KIAA1217: variants seen among roughly 807,000 people sequenced by gnomAD.
The protein encoded by KIAA1217 is sickle tail protein homolog.
Under a neutral mutation model 163.9 loss-of-function variants are expected in KIAA1217, and 88 were observed. The ratio of observed to expected loss-of-function variants is 0.54; its 90% confidence interval spans 0.45 to 0.64. The LOEUF (loss-of-function observed/expected upper bound fraction) is 0.64, where lower values mean the gene tolerates loss of function less well. Among genes scored for constraint, KIAA1217 ranks in the 30% least tolerant of loss-of-function variants. The pLI is 0.00. For missense variants in KIAA1217, 2,372 were observed against 2,475.0 expected, an observed-to-expected ratio of 0.96 and a Z score of 0.88; for synonymous variants, 903 against 923.1, an observed-to-expected ratio of 0.98 and a Z score of 0.39.
intron 2 of KIAA1217, among the ~76,000 whole-genome samples, chr10:24,296,982 T>C (rs2040696985): frequency 6.6e-6 from 1 of 152,220 alleles, no homozygotes; most frequent in South Asian, 2.1e-4. Context: ...CAACTCTCAC[T>C]TACTTGATAC....
At chr10:24,211,556 TATTGTATTGTATTG>T (rs1564836151) in intron 1 of KIAA1217, among the ~76,000 whole-genome samples, 3 of 98,842 alleles carry the variant, frequency 3.0e-5, no homozygotes, top group African/African-American at 1.0e-4. Flanking sequence ...TATTGTATTG[TATTGTATTGTATTG>T]TATTGTATTG....
chr10:23,790,600 TAC>T (rs1220942732), intron 1 of KIAA1217, among the ~76,000 whole-genome samples: 6 of 126,698 alleles, frequency 4.7e-5, no homozygotes, highest in South Asian at 2.3e-4. Flanking sequence ...TATATACATG[TAC>T]ATATATACAT....
intron 2 of KIAA1217, among the ~76,000 whole-genome samples, chr10:24,374,685 A>G (rs1194658704): frequency 6.6e-6 from 1 of 152,208 alleles, no homozygotes; most frequent in East Asian, 1.9e-4. Context: ...GGGAGATATC[A>G]TTCAGATTTT....
At chr10:24,044,249 T>C (rs953432043) in intron 2 of KIAA1217, among the ~76,000 whole-genome samples, 2 of 152,186 alleles carry the variant, frequency 1.3e-5, no homozygotes, top group Non-Finnish European at 2.9e-5. Context: ...CTAAGATAGC[T>C]CTGTTGCATT....
chr10:23,963,471 T>A (rs1179240009), intron 1 of KIAA1217, among the ~76,000 whole-genome samples: 1 of 152,232 alleles, frequency 6.6e-6, no homozygotes, highest in Non-Finnish European at 1.5e-5. Context: ...CTGTAGAGTA[T>A]TCCATGGTGT....
At chr10:23,758,144 G>T (rs1372805491) in intron 1 of KIAA1217, among the ~76,000 whole-genome samples, 14 of 152,100 alleles carry the variant, frequency 9.2e-5, no homozygotes, top group Non-Finnish European at 1.5e-5. Flanking sequence ...TAAATATTGG[G>T]AAGCTTTTGC....
chr10:23,825,511 A>G (rs1355668774), intron 1 of KIAA1217, among the ~76,000 whole-genome samples: 1 of 152,210 alleles, frequency 6.6e-6, no homozygotes, highest in Non-Finnish European at 1.5e-5. Flanking sequence ...AACTGGCTTT[A>G]ATGAGACTGT....
At chr10:23,873,271 A>G (rs1564495996) in intron 1 of KIAA1217, among the ~76,000 whole-genome samples, 1 of 152,116 alleles carries the variant, frequency 6.6e-6, no homozygotes, top group South Asian at 2.1e-4. Flanking sequence ...TCTCAAGAAC[A>G]AAATCAAATT....
At chr10:24,188,849 T>C (rs571817736) in intron 2 of KIAA1217, among the ~76,000 whole-genome samples, 29 of 152,236 alleles carry the variant, frequency 1.9e-4, no homozygotes, top group African/African-American at 2.6e-4. Context: ...CTCACGCCTG[T>C]AATCCCAGCA....
chr10:23,967,952 T>C (rs900366107), intron 1 of KIAA1217, among the ~76,000 whole-genome samples: 5 of 149,470 alleles, frequency 3.3e-5, no homozygotes, highest in Non-Finnish European at 7.4e-5. Flanking sequence ...GGACATGCCT[T>C]TTTTAAAATT....
chr10:24,182,438 TCACACA>T (rs3222547), intron 2 of KIAA1217, among the ~76,000 whole-genome samples: 16 of 144,868 alleles, frequency 1.1e-4, no homozygotes, highest in Admixed American at 2.8e-4. Flanking sequence ...CAAGACTCCA[TCACACA>T]CACACACACA....
chr10:23,800,678 G>A (rs1028018041), intron 1 of KIAA1217, among the ~76,000 whole-genome samples: 1 of 152,112 alleles, frequency 6.6e-6, no homozygotes, highest in African/African-American at 2.4e-5. Flanking sequence ...ATGAAGGTCA[G>A]TGGCATAATA....
intron 1 of KIAA1217, among the ~76,000 whole-genome samples, chr10:23,922,046 C>T (rs1341596363): frequency 6.6e-6 from 1 of 152,012 alleles, no homozygotes; most frequent in Non-Finnish European, 1.5e-5. Context: ...TTTCACCCCC[C>T]ACCCCCCACC....
chr10:23,735,868 C>T (rs1838768194), intron 1 of KIAA1217, among the ~76,000 whole-genome samples: 1 of 152,024 alleles, frequency 6.6e-6, no homozygotes, highest in Non-Finnish European at 1.5e-5. Flanking sequence ...AACAATCAAC[C>T]ATCAACATAA....
intron 1 of KIAA1217, among the ~76,000 whole-genome samples, chr10:23,730,217 T>C (rs1473592762): frequency 6.6e-6 from 1 of 152,192 alleles, no homozygotes; most frequent in African/African-American, 2.4e-5. Context: ...AATTTTAAAG[T>C]TCTGCTTTTT....
chr10:24,364,122 G>T (rs1564543141), intron 2 of KIAA1217, among the ~76,000 whole-genome samples: 2 of 151,964 alleles, frequency 1.3e-5, no homozygotes, highest in African/African-American at 2.4e-5. Context: ...GAGATTACAG[G>T]CGCCCACCAC....
At chr10:24,487,085 T>C (rs1345846945) in intron 6 of KIAA1217, among the ~76,000 whole-genome samples, 1 of 152,268 alleles carries the variant, frequency 6.6e-6, no homozygotes, top group Non-Finnish European at 1.5e-5. Flanking sequence ...GCTTCTCCGC[T>C]TGCCCTGGAA....
intron 1 of KIAA1217, among the ~76,000 whole-genome samples, chr10:23,911,766 G>A (rs149994023): frequency 1.3e-5 from 2 of 152,088 alleles, no homozygotes; most frequent in African/African-American, 2.4e-5. Context: ...TAAGATGGCC[G>A]AGGACATGTG....
At chr10:24,039,511 C>A (rs981098500) in intron 2 of KIAA1217, among the ~76,000 whole-genome samples, 33 of 152,210 alleles carry the variant, frequency 2.2e-4, no homozygotes, top group Non-Finnish European at 4.1e-4. Context: ...GACAGATACT[C>A]TATAGTGTTT....
Sources: gnomAD v4.1 joint callset for allele counts (sites outside exome capture counted in the v4.1 genomes callset) on GRCh38, gnomAD v4.1.1 for gene constraint, MANE v1.5 for transcripts, NCBI Gene and HGNC (gene_info 2026-07-23, HGNC 2026-07-21) for gene names.